ASTN2: variants seen among roughly 807,000 people sequenced by gnomAD.
The protein encoded by ASTN2 is astrotactin-2.
Under a neutral mutation model 139.8 loss-of-function variants are expected in ASTN2, and 54 were observed. That is an observed-to-expected ratio of 0.39 (90% CI 0.31 to 0.48). The LOEUF (loss-of-function observed/expected upper bound fraction) is 0.48. Ranked by LOEUF, ASTN2 falls within the 20% of genes least tolerant of loss-of-function variation. ASTN2 has a pLI of 0.95. For missense variants in ASTN2, 1,565 were observed against 1,725.1 expected (o/e 0.91, Z 1.64); for synonymous variants, 756 against 719.5 (o/e 1.05, Z -0.81).
At chr9:117,296,106 C>G (rs1366061406) in intron 1 of ASTN2, among the ~76,000 whole-genome samples, 3 of 151,428 alleles carry the variant, frequency 2.0e-5, no homozygotes, top group Non-Finnish European at 4.4e-5. Flanking sequence ...GGTGAAATCC[C>G]GCCTCTACTA....
At chr9:117,297,743 T>C (rs1834772013) in intron 1 of ASTN2, among the ~76,000 whole-genome samples, 1 of 152,212 alleles carries the variant, frequency 6.6e-6, no homozygotes, top group Admixed American at 6.5e-5. Flanking sequence ...AGGGCTACCA[T>C]ATAGCTACCA....
At chr9:116,658,722 T>G (rs1858373245) in intron 16 of ASTN2, among the ~76,000 whole-genome samples, 1 of 137,674 alleles carries the variant, frequency 7.3e-6, no homozygotes, top group South Asian at 2.6e-4. Flanking sequence ...TTCCTAATCC[T>G]GACCACCGCT....
At chr9:116,583,225 G>A (rs950305082) in intron 19 of ASTN2, 1 of 152,132 alleles carries the variant, frequency 6.6e-6, no homozygotes, top group African/African-American at 2.4e-5. Context: ...TAATCAACCA[G>A]GAACATCTGC....
chr9:117,000,174 T>C (rs967311387), intron 7 of ASTN2, among the ~76,000 whole-genome samples: 5 of 152,240 alleles, frequency 3.3e-5, no homozygotes, highest in Admixed American at 2.6e-4. Flanking sequence ...TTTTAAATTT[T>C]ATTTTTCATC....
At chr9:116,603,098 G>A (rs1854992879) in intron 19 of ASTN2, among the ~76,000 whole-genome samples, 1 of 152,202 alleles carries the variant, frequency 6.6e-6, no homozygotes, top group Admixed American at 6.5e-5. Context: ...ATGGAGAGTT[G>A]CATGCATCCA....
At chr9:117,190,083 T>A (rs1262094591) in intron 3 of ASTN2, among the ~76,000 whole-genome samples, 2 of 152,086 alleles carry the variant, frequency 1.3e-5, no homozygotes, top group African/African-American at 4.8e-5. Flanking sequence ...GAATTTAGGT[T>A]AAGGAACTTA....
intron 19 of ASTN2, among the ~76,000 whole-genome samples, chr9:116,565,550 A>G (rs1264071834): frequency 8.6e-6 from 1 of 116,250 alleles, no homozygotes; most frequent in Non-Finnish European, 1.8e-5. Flanking sequence ...ACCCATTCCC[A>G]CCCCGGACCC....
chr9:117,245,276 G>A (rs561133863), intron 2 of ASTN2, among the ~76,000 whole-genome samples: 1 of 152,336 alleles, frequency 6.6e-6, no homozygotes, highest in African/African-American at 2.4e-5. Context: ...AGGCTGATTA[G>A]TCGGAATATT....
At chr9:116,497,673 C>G (rs544993916) in intron 19 of ASTN2, among the ~76,000 whole-genome samples, 1 of 152,138 alleles carries the variant, frequency 6.6e-6, no homozygotes, top group East Asian at 1.9e-4. Context: ...TTGGCTGCAG[C>G]GGGTATTGCT....
chr9:117,084,675 T>C (rs1438117391), intron 5 of ASTN2, among the ~76,000 whole-genome samples: 1 of 152,168 alleles, frequency 6.6e-6, no homozygotes, highest in Admixed American at 6.5e-5. Context: ...CCCCTTATAA[T>C]GGTTATCTAA....
intron 4 of ASTN2, among the ~76,000 whole-genome samples, chr9:117,125,860 T>C (rs551381147): frequency 6.6e-6 from 1 of 151,836 alleles, no homozygotes; most frequent in African/African-American, 2.4e-5. Context: ...AAAGGATTAA[T>C]GAGGCGAGGG....
chr9:116,649,572 C>CAAAAAAAAAA (rs35946741), intron 17 of ASTN2, among the ~76,000 whole-genome samples: 1 of 137,600 alleles, frequency 7.3e-6, no homozygotes, highest in Non-Finnish European at 1.6e-5. Context: ...AAAACTGTCT[C>CAAAAAAAAAA]AAAAAAAAAA....
At chr9:116,501,607 C>T (rs1213016518) in intron 19 of ASTN2, among the ~76,000 whole-genome samples, 3 of 151,924 alleles carry the variant, frequency 2.0e-5, no homozygotes, top group Non-Finnish European at 2.9e-5. Flanking sequence ...TCCTATTTCT[C>T]CACATCCTCT....
chr9:117,057,254 T>C (rs998761157), intron 5 of ASTN2, among the ~76,000 whole-genome samples: 3 of 152,164 alleles, frequency 2.0e-5, no homozygotes, highest in African/African-American at 7.2e-5. Flanking sequence ...CCTGTGCATT[T>C]ATAAAAATGC....
At chr9:116,715,873 G>A (rs903428024) in intron 16 of ASTN2, among the ~76,000 whole-genome samples, 15 of 152,082 alleles carry the variant, frequency 9.9e-5, no homozygotes, top group Admixed American at 2.6e-4. Context: ...CCTGGGGTGT[G>A]GTATCTGAAA....
At chr9:117,160,437 C>G (rs567994047) in intron 3 of ASTN2, among the ~76,000 whole-genome samples, 8 of 47,986 alleles carry the variant, frequency 1.7e-4, no homozygotes, top group African/African-American at 5.0e-4. Context: ...AGGGTAATCA[C>G]AATAACACAG....
chr9:116,627,342 T>C (rs1205108750), intron 17 of ASTN2, among the ~76,000 whole-genome samples: 1 of 152,112 alleles, frequency 6.6e-6, no homozygotes, highest in Non-Finnish European at 1.5e-5. Context: ...AGCATATTCA[T>C]TGGCACGGAT....
At chr9:117,395,663 C>A (rs1478435051) in intron 1 of ASTN2, among the ~76,000 whole-genome samples, 1 of 152,104 alleles carries the variant, frequency 6.6e-6, no homozygotes, top group Non-Finnish European at 1.5e-5. Flanking sequence ...TCCCTCTGTG[C>A]AATAAGAAAG....
At chr9:116,719,149 C>T (rs538417913) in intron 16 of ASTN2, among the ~76,000 whole-genome samples, 1 of 151,344 alleles carries the variant, frequency 6.6e-6, no homozygotes, top group Admixed American at 6.6e-5. Context: ...AGCTGGAATC[C>T]AGACAAGCTA....
Sources: gnomAD v4.1 joint callset for allele counts (sites outside exome capture counted in the v4.1 genomes callset) on GRCh38, gnomAD v4.1.1 for gene constraint, MANE v1.5 for transcripts, NCBI Gene and HGNC (gene_info 2026-07-23, HGNC 2026-07-21) for gene names.